Variants in PTPRM observed in about 807,000 individuals in gnomAD.
The protein encoded by PTPRM is receptor-type tyrosine-protein phosphatase mu.
Under a neutral mutation model 186.7 loss-of-function variants are expected in PTPRM, and 47 were observed. The ratio of observed to expected loss-of-function variants is 0.25; its 90% CI spans 0.20 to 0.32. PTPRM has a LOEUF of 0.32. PTPRM is among the 10% of genes least tolerant of loss of function. The probability of loss-of-function intolerance (pLI) is 1.00; values close to 1 mark genes in which losing one functional copy is unlikely to be tolerated. For missense variants in PTPRM, 1,494 were observed against 1,865.0 expected (o/e 0.80, Z 3.66); for synonymous variants, 668 against 674.9 (o/e 0.99, Z 0.16).
chr18:7,891,835 A>G (rs2049099313), intron 3 of PTPRM, among the ~76,000 whole-genome samples: 2 of 152,176 alleles, frequency 1.3e-5, no homozygotes, highest in African/African-American at 4.8e-5. Context: ...ACATTGTGCC[A>G]CTGCACTCCA....
At chr18:8,182,195 G>A (rs1037842092) in intron 14 of PTPRM, among the ~76,000 whole-genome samples, 12 of 152,086 alleles carry the variant, frequency 7.9e-5, no homozygotes, top group African/African-American at 2.7e-4. Context: ...GGTCCTGAAT[G>A]TTTATTTTTA....
chr18:7,607,929 C>T (rs1463862773), intron 1 of PTPRM, among the ~76,000 whole-genome samples: 3 of 152,198 alleles, frequency 2.0e-5, no homozygotes, highest in Non-Finnish European at 4.4e-5. Flanking sequence ...CAGTAGCCAG[C>T]TTATTACAGC....
intron 3 of PTPRM, among the ~76,000 whole-genome samples, chr18:7,902,508 G>A (rs1240549472): frequency 6.6e-6 from 1 of 152,178 alleles, no homozygotes; most frequent in African/African-American, 2.4e-5. Context: ...GTTTGGAGGG[G>A]AGGAGTCATG....
intron 3 of PTPRM, among the ~76,000 whole-genome samples, chr18:7,900,009 G>T (rs557176611): frequency 6.8e-6 from 1 of 147,576 alleles, no homozygotes; most frequent in African/African-American, 2.5e-5. Context: ...CCCATGGAGC[G>T]CAAGGCATAT....
chr18:7,924,685 A>G (rs2051067392), intron 4 of PTPRM, among the ~76,000 whole-genome samples: 1 of 152,194 alleles, frequency 6.6e-6, no homozygotes, highest in African/African-American at 2.4e-5. Context: ...GTGAGGCAAT[A>G]ACATCAAGTT....
chr18:7,651,437 T>C lies in PTPRM; in HGVS notation c.73+83546T>C, dbSNP rs201677250. Among the ~76,000 whole-genome samples, 6 of 152,156 alleles carry C rather than the reference T, an allele frequency of 3.9e-5. No homozygotes were observed. In the East Asian group the frequency reaches 1.2e-3, roughly 29 times the overall value. Reference sequence around the variant, plus strand: ...CATACCCACCAAAAAAGAGCCCGCATCGCCAAGTCAATCCTAAGCCAAAAG... The same window carrying C: ...CATACCCACCAAAAAAGAGCCCGCACCGCCAAGTCAATCCTAAGCCAAAAG... On this transcript the variant is annotated intron_variant, in intron 1 of 32. Coordinates refer to ENST00000580170, the MANE Select transcript of PTPRM (RefSeq NM_001105244.2).
At chr18:7,760,447 G>A (rs998488013) in intron 1 of PTPRM, among the ~76,000 whole-genome samples, 5 of 152,184 alleles carry the variant, frequency 3.3e-5, no homozygotes, top group Middle Eastern at 3.2e-3. Flanking sequence ...AATGAAAGTT[G>A]AATATATCTG....
At chr18:8,046,117 C>A (rs1009419847) in intron 7 of PTPRM, among the ~76,000 whole-genome samples, 1 of 152,108 alleles carries the variant, frequency 6.6e-6, no homozygotes, top group Non-Finnish European at 1.5e-5. Flanking sequence ...TGTCATTTCC[C>A]TTCTGGCACT....
chr18:8,357,891 T>C (rs1157466713), intron 23 of PTPRM, among the ~76,000 whole-genome samples: 2 of 152,112 alleles, frequency 1.3e-5, no homozygotes, highest in Non-Finnish European at 2.9e-5. Context: ...AAACACATAC[T>C]CGCAGACTAA....
intron 7 of PTPRM, among the ~76,000 whole-genome samples, chr18:8,041,617 A>G (rs2086696826): frequency 6.6e-6 from 1 of 152,208 alleles, no homozygotes; most frequent in African/African-American, 2.4e-5. Context: ...ACTATGATTA[A>G]GTCCACTTGT....
chr18:7,584,644 T>C (rs2036930749), intron 1 of PTPRM, among the ~76,000 whole-genome samples: 1 of 152,222 alleles, frequency 6.6e-6, no homozygotes, highest in Non-Finnish European at 1.5e-5. Context: ...CCCAAGATTA[T>C]TCTCTCATGC....
intron 1 of PTPRM, among the ~76,000 whole-genome samples, chr18:7,709,006 GT>G (rs2040155678): frequency 6.6e-6 from 1 of 152,074 alleles, no homozygotes; most frequent in Non-Finnish European, 1.5e-5. Context: ...ATGCTGAAAA[GT>G]TCAACACCAA....
intron 7 of PTPRM, among the ~76,000 whole-genome samples, chr18:7,982,570 AG>A (rs916360763): frequency 6.6e-6 from 1 of 152,102 alleles, no homozygotes; most frequent in Non-Finnish European, 1.5e-5. Flanking sequence ...GTATTAAAAA[AG>A]TATATTATAG....
chr18:7,722,316 T>C (rs2040462043), intron 1 of PTPRM, among the ~76,000 whole-genome samples: 1 of 152,178 alleles, frequency 6.6e-6, no homozygotes, highest in Admixed American at 6.5e-5. Flanking sequence ...TCTGTGTTTT[T>C]TGGTGGCTTG....
intron 11 of PTPRM, among the ~76,000 whole-genome samples, chr18:8,105,812 C>T (rs1331933296): frequency 6.6e-6 from 1 of 152,106 alleles, no homozygotes; most frequent in African/African-American, 2.4e-5. Context: ...GAAAAACCAA[C>T]AAAATACTTA....
At chr18:8,372,594 C>A (rs1365598103) in intron 24 of PTPRM, among the ~76,000 whole-genome samples, 1 of 151,380 alleles carries the variant, frequency 6.6e-6, no homozygotes, top group Non-Finnish European at 1.5e-5. Context: ...TTTTCTTAGC[C>A]TGTCTTTTTT....
intron 19 of PTPRM, among the ~76,000 whole-genome samples, chr18:8,276,880 C>A (rs2094842113): frequency 6.6e-6 from 1 of 151,894 alleles, no homozygotes; most frequent in Admixed American, 6.6e-5. Flanking sequence ...TGCAACCTGA[C>A]AACTTTCTCC....
intron 19 of PTPRM, among the ~76,000 whole-genome samples, chr18:8,267,236 A>C (rs185252175): frequency 6.6e-6 from 1 of 152,310 alleles, no homozygotes; most frequent in African/African-American, 2.4e-5. Flanking sequence ...CATGAAGAGA[A>C]TATACTATAA....
chr18:7,660,251 G>A (rs779618457), intron 1 of PTPRM, among the ~76,000 whole-genome samples: 46 of 152,110 alleles, frequency 3.0e-4, no homozygotes, highest in Admixed American at 4.6e-4. Flanking sequence ...CAGCAGAATC[G>A]CTTGAACCTT....
Sources: allele counts gnomAD v4.1 joint callset (sites outside exome capture counted in the v4.1 genomes callset), GRCh38; gene constraint gnomAD v4.1.1; transcripts MANE v1.5; gene names NCBI Gene and HGNC (gene_info 2026-07-23, HGNC 2026-07-21).